CAMTA1: variants seen among roughly 807,000 people sequenced by gnomAD.
CAMTA1 encodes calmodulin-binding transcription activator 1.
Under a neutral mutation model 170.9 loss-of-function variants are expected in CAMTA1, and 27 were observed. The ratio of observed to expected loss-of-function variants is 0.16; its 90% confidence interval spans 0.12 to 0.22. CAMTA1 has a LOEUF of 0.22. Ranked by LOEUF, CAMTA1 falls within the 10% of genes least tolerant of loss-of-function variation. The pLI is 1.00. For missense variants in CAMTA1, 1,619 were observed against 2,217.2 expected (o/e 0.73, Z 5.42); for synonymous variants, 833 against 891.5 (o/e 0.93, Z 1.17).
At chr1:7,142,008 G>A (rs953696309) in intron 4 of CAMTA1, 1 of 479,692 alleles carries the variant, frequency 2.1e-6, no homozygotes, top group Non-Finnish European at 4.2e-6. Flanking sequence ...TTTTCCTGAT[G>A]TCTTGGCTGC....
At chr1:7,526,953 C>T (rs1207701176) in intron 6 of CAMTA1, among the ~76,000 whole-genome samples, 2 of 152,202 alleles carry the variant, frequency 1.3e-5, no homozygotes, top group African/African-American at 4.8e-5. Context: ...GCCTGTGTTT[C>T]CAAGAAAGCA....
chr1:7,234,811 GA>G lies in CAMTA1; in HGVS notation c.303-14679del, dbSNP rs1260576322. Among the ~76,000 whole-genome samples the G allele has an allele frequency of 7.3e-6, 1 of 137,408 alleles. No individual in the cohort carries two copies. The highest frequency in any genetic ancestry group is 1.5e-5 in the Non-Finnish European group (1 of 65,288). The allele number at this position is 137,408 out of a possible 152,430, so 90.1% of individuals were successfully genotyped here. On this transcript the variant is annotated intron_variant, in intron 4 of 22. Transcript: ENST00000303635. This position sits in a 1 kb window ranked among gnomAD's most constrained non-coding sequence, Gnocchi z 5.0. ...ACCTTTTTTTTTTTTTTTTTAGATA[GA>G]GTCTCACTTTGTCACCCAGGCTGGA...
chr1:7,383,743 CTGA>C (rs1176952185), intron 5 of CAMTA1, among the ~76,000 whole-genome samples: 1 of 151,566 alleles, frequency 6.6e-6, no homozygotes, highest in African/African-American at 2.4e-5. Flanking sequence ...GCTGGTGCTG[CTGA>C]TGTTGTTGAA....
Position 6,918,232 on chromosome 1 carries a change from GC to G in CAMTA1, c.234+93025del, listed in dbSNP as rs1471768012. On this transcript the variant is annotated intron_variant, in intron 3 of 22. Coordinates refer to ENST00000303635, the MANE Select transcript of CAMTA1 (RefSeq NM_015215.4). The surrounding 1 kb of genome is among the most constrained non-coding windows in gnomAD (Gnocchi z 4.0). The stretch of plus-strand genomic sequence containing the variant: ...TGGAGGAGGAGAAACCTTTCACCCA[GC>G]CCTAAACCAGCTGCTTCTGGAGAGT... Among the ~76,000 whole-genome samples, 1 of 152,184 alleles carries G rather than the reference GC, an allele frequency of 6.6e-6. No individual in the cohort carries two copies. Among genetic ancestry groups the G allele is most frequent in the African/African-American group, 2.4e-5 (1 of 41,434 alleles).
chr1:6,798,168 G>A lies in CAMTA1; in HGVS notation c.45+12593G>A, dbSNP rs1311426147. ...TGAACACCACGCTGGGCTAATTTTT[G>A]TATTTTTAGTTGAGACACCATGTTG... On this transcript the variant is annotated intron_variant, in intron 1 of 22. Transcript: ENST00000303635. Among the ~76,000 whole-genome samples, 4 of 151,566 alleles carry A rather than the reference G, an allele frequency of 2.6e-5. No individual in the cohort carries two copies. The South Asian group carries it at 6.3e-4, about 24-fold the overall frequency.
intron 4 of CAMTA1, among the ~76,000 whole-genome samples, chr1:7,201,110 C>T (rs1656604014): frequency 6.6e-6 from 1 of 152,200 alleles, no homozygotes; most frequent in Admixed American, 6.5e-5. Context: ...GTCTCTATAG[C>T]TTTCTCTGTT....
rs975840790 is a variant in CAMTA1, at chr1:7,064,110, C to CCCT, written c.235-27184_235-27182dup. 6.7e-6 allele frequency among the ~76,000 whole-genome samples: 1 copy of CCCT among 149,864 alleles called. No individual in the cohort carries two copies. The highest frequency in any genetic ancestry group is 2.5e-5 in the African/African-American group (1 of 40,690). On this transcript the variant is annotated intron_variant, in intron 3 of 22. Coordinates refer to ENST00000303635, the MANE Select transcript of CAMTA1 (RefSeq NM_015215.4). This position sits in a 1 kb window ranked among gnomAD's most constrained non-coding sequence, Gnocchi z 5.4. ...TCCTTCTTCTCCTCCTTCTCTCCTTCCCTCCTCCTCCTTCTTCTTCTCCTC... is the reference window on the plus strand; with the variant it reads ...TCCTTCTTCTCCTCCTTCTCTCCTTCCCTCCTCCTCCTCCTTCTTCTTCTCCTC...
rs74972362 is a variant in CAMTA1 at position 7,067,324 on chromosome 1, G to A, written c.235-23980G>A. Among the ~76,000 whole-genome samples, 156 of 152,270 alleles carry A rather than the reference G, an allele frequency of 1.0e-3. No individual in the cohort carries two copies. Among genetic ancestry groups the A allele is most frequent in the East Asian group, 0.01 (53 of 5,188 alleles). ...TTCCCTGGACAGTGCTAGACAAATA[G>A]GACTCCTTTAACTCCTTAGGAAGTT... is the stretch of plus-strand genomic sequence containing the variant. On this transcript the variant is annotated intron_variant, in intron 3 of 22. Coordinates refer to ENST00000303635, the MANE Select transcript of CAMTA1 (RefSeq NM_015215.4). This position sits in a 1 kb window ranked among gnomAD's most constrained non-coding sequence, Gnocchi z 4.3.
At chr1:7,118,151 C>G (rs1337558600) in intron 4 of CAMTA1, among the ~76,000 whole-genome samples, 1 of 152,124 alleles carries the variant, frequency 6.6e-6, no homozygotes, top group African/African-American at 2.4e-5. Flanking sequence ...GTACAGCCAG[C>G]TCTGATTGCT....
intron 1 of CAMTA1, among the ~76,000 whole-genome samples, chr1:6,786,493 G>A (rs1423049041): frequency 6.6e-6 from 1 of 152,128 alleles, no homozygotes; most frequent in Non-Finnish European, 1.5e-5. Flanking sequence ...CACACTCTCC[G>A]TTGACCCTTT....
intron 5 of CAMTA1, among the ~76,000 whole-genome samples, chr1:7,368,592 G>T (rs544860632): frequency 6.6e-6 from 1 of 152,266 alleles, no homozygotes; most frequent in South Asian, 2.1e-4. Flanking sequence ...AGGAGTTCCC[G>T]CTGTGTGCAC....
chr1:7,250,184 G>A (rs920985694), intron 5 of CAMTA1, among the ~76,000 whole-genome samples: 9 of 152,178 alleles, frequency 5.9e-5, no homozygotes, highest in African/African-American at 1.4e-4. Context: ...GGCCGACTTC[G>A]GGTTTTGGCC....
chr1:7,316,142 C>T lies in CAMTA1; in HGVS notation c.438+66516C>T, dbSNP rs778212624. On this transcript the variant is annotated intron_variant, in intron 5 of 22. Coordinates refer to ENST00000303635, the MANE Select transcript of CAMTA1 (RefSeq NM_015215.4). ...AGAACAGCACGGGGGAAACAACCTGCGGTGATCCAATTACCTCCCACTGCG... is the reference window on the plus strand; with the variant it reads ...AGAACAGCACGGGGGAAACAACCTGTGGTGATCCAATTACCTCCCACTGCG... Among the ~76,000 whole-genome samples the T allele has an allele frequency of 5.9e-4, 90 of 152,280 alleles. 1 individual carries two copies. Among genetic ancestry groups the T allele is most frequent in the Non-Finnish European group, 1.1e-3 (74 of 68,024 alleles).
chr1:6,839,514 A>G (rs993369458), intron 3 of CAMTA1, among the ~76,000 whole-genome samples: 5 of 152,220 alleles, frequency 3.3e-5, no homozygotes, highest in Non-Finnish European at 5.9e-5. Context: ...AGGGTATAAG[A>G]TGAGGTTCCA....
intron 4 of CAMTA1, among the ~76,000 whole-genome samples, chr1:7,200,414 A>T (rs1030054366): frequency 1.2e-4 from 18 of 152,332 alleles, no homozygotes; most frequent in African/African-American, 4.3e-4. Context: ...AAATTTCAAC[A>T]ATTGTCCCAG....
At position 7,663,107 on chromosome 1, in the gene CAMTA1, A is replaced by T. The variant is rs185814546; in HGVS notation, c.806-246A>T. ...CCTATTTGAAAAGAGCATCAAGGCC[A>T]AAGCCCCTCTGATCTTTGGAGGAGG... On this transcript the variant is annotated intron_variant, in intron 8 of 22. Transcript: ENST00000303635. Among the ~76,000 whole-genome samples, 792 of 152,320 alleles carry T rather than the reference A, an allele frequency of 5.2e-3. 4 individuals carry two copies. The highest frequency in any genetic ancestry group is 8.9e-3 in the Non-Finnish European group (603 of 68,022).
chr1:6,926,242 T>A (rs1012607442), intron 3 of CAMTA1, among the ~76,000 whole-genome samples: 3 of 151,976 alleles, frequency 2.0e-5, no homozygotes, highest in Non-Finnish European at 4.4e-5. Flanking sequence ...GAGCAGAAGT[T>A]CCCAAACTTT....
At chr1:6,945,225 G>A (rs554496627) in intron 3 of CAMTA1, among the ~76,000 whole-genome samples, 11 of 152,290 alleles carry the variant, frequency 7.2e-5, no homozygotes, top group South Asian at 2.1e-4. Flanking sequence ...CCATTAAAAT[G>A]TATAGTTCCA....
At chr1:7,308,256 G>A (rs1675895884) in intron 5 of CAMTA1, among the ~76,000 whole-genome samples, 1 of 25,220 alleles carries the variant, frequency 4.0e-5, no homozygotes, top group Admixed American at 5.4e-4. Flanking sequence ...TCCTTTGTTA[G>A]TCTTGTGGAG....
Sources: gnomAD v4.1 joint callset for allele counts (sites outside exome capture counted in the v4.1 genomes callset) on GRCh38, gnomAD v4.1.1 for gene constraint, Gnocchi (gnomAD v3.1) non-coding constraint, MANE v1.5 for transcripts, NCBI Gene and HGNC (gene_info 2026-07-23, HGNC 2026-07-21) for gene names.